ELF1: variants seen among roughly 807,000 people sequenced by gnomAD.
The protein encoded by ELF1 is E74 like ETS transcription factor 1, also known as ETS-related transcription factor Elf-1.
Under a neutral mutation model 59.9 loss-of-function variants are expected in ELF1, and 24 were observed. The ratio of observed to expected loss-of-function variants is 0.40; its 90% CI spans 0.29 to 0.56. The LOEUF (loss-of-function observed/expected upper bound fraction) is 0.56, where lower values mean the gene tolerates loss of function less well. Ranked by LOEUF, ELF1 falls within the 20% of genes least tolerant of loss-of-function variation. ELF1 has a pLI of 0.44. For missense variants in ELF1, 627 were observed against 742.2 expected (o/e 0.84, Z 1.80); for synonymous variants, 248 against 266.2 (o/e 0.93, Z 0.67).
intron 1 of ELF1, among the ~76,000 whole-genome samples, chr13:41,039,196 T>C (rs979539731): frequency 6.6e-6 from 1 of 151,844 alleles, no homozygotes; most frequent in Non-Finnish European, 1.5e-5. Context: ...GCCCAAGAGA[T>C]TGAGACCAGC....
chr13:40,998,963 C>T (rs1430675948), intron 1 of ELF1, among the ~76,000 whole-genome samples: 1 of 151,974 alleles, frequency 6.6e-6, no homozygotes, highest in Non-Finnish European at 1.5e-5. Context: ...CACTTCAGCC[C>T]GGGCGACTGA....
chr13:41,022,490 T>C (rs1293226683), upstream of ELF1, among the ~76,000 whole-genome samples: 1 of 152,202 alleles, frequency 6.6e-6, no homozygotes, highest in Non-Finnish European at 1.5e-5. Context: ...TACCGGTATA[T>C]GACTTATGTA....
chr13:41,055,581 G>A (rs1877256126), intron 1 of ELF1, among the ~76,000 whole-genome samples: 1 of 151,954 alleles, frequency 6.6e-6, no homozygotes, highest in African/African-American at 2.4e-5. Context: ...ATAATTATCT[G>A]TATACTTACC....
chr13:40,986,615 T>C (rs1007229429), intron 1 of ELF1, among the ~76,000 whole-genome samples: 1 of 150,172 alleles, frequency 6.7e-6, no homozygotes, highest in African/African-American at 2.5e-5. Context: ...GTTTGGCGTC[T>C]TTTTAACAAA....
intron 1 of ELF1, among the ~76,000 whole-genome samples, chr13:41,047,534 T>C (rs988567764): frequency 1.3e-5 from 2 of 152,238 alleles, no homozygotes; most frequent in Admixed American, 1.3e-4. Context: ...TGGAGTTTGC[T>C]GGAGGTCCAT....
chr13:40,971,950 T>G (rs7333110), intron 2 of ELF1, among the ~76,000 whole-genome samples: 20,084 of 148,726 alleles, frequency 0.14, 1,560 homozygotes, highest in East Asian at 0.32. Flanking sequence ...AGTTTTTTTT[T>G]GGGGGGGGGT....
chr13:40,998,014 G>A (rs764164295), intron 1 of ELF1, among the ~76,000 whole-genome samples: 9 of 152,086 alleles, frequency 5.9e-5, no homozygotes, highest in Non-Finnish European at 1.0e-4. Flanking sequence ...GCTGGGTGTG[G>A]TGGAGCCTGC....
rs1360010444 is a variant in ELF1, at chr13:40,943,904, C to T, written c.551G>A (p.Arg184Gln). 5 of 1,613,556 alleles carry T rather than the reference C, an allele frequency of 3.1e-6. No individual in the cohort carries two copies. Among genetic ancestry groups the T allele is most frequent in the South Asian group, 2.2e-5 (2 of 91,008 alleles). The change falls in exon 6 of 9, where the codon CGA (arginine) becomes CAA (glutamine). Residue 184 changes from arginine (R) to glutamine (Q), a missense_variant. Physicochemically the swap from Arg to Gln is conservative, Grantham distance 43. Around this residue, in one of 3 missense-constraint regions of ELF1, gnomAD observed 232 missense variants for 269.2 expected, o/e 0.86. Coordinates refer to ENST00000239882, the MANE Select transcript of ELF1 (RefSeq NM_172373.4). ...RKKGRKTKPP[R>Q]PDSPATTPNI... ...TGGCGTAGTGGCTGGGGAATCTGGT[C>T]GTGGTGGTTTAGTTTTTCTTCCTGA...
intron 1 of ELF1, among the ~76,000 whole-genome samples, chr13:41,014,810 A>C (rs1398387751): frequency 2.0e-5 from 3 of 152,122 alleles, no homozygotes; most frequent in Non-Finnish European, 4.4e-5. Flanking sequence ...TGAATACCTA[A>C]CAATGTCCCA....
chr13:41,010,232 C>A (rs769612741), intron 1 of ELF1, among the ~76,000 whole-genome samples: 1 of 146,344 alleles, frequency 6.8e-6, no homozygotes, highest in East Asian at 2.0e-4. Flanking sequence ...ATAGCCAGAC[C>A]GCATACCCAC....
At chr13:40,962,463 A>T (rs9594467) in intron 2 of ELF1, among the ~76,000 whole-genome samples, 1 of 151,656 alleles carries the variant, frequency 6.6e-6, no homozygotes, top group Non-Finnish European at 1.5e-5. Flanking sequence ...TGGGTGGATC[A>T]CTTGAGGTCA....
chr13:41,032,887 T>C (rs1047422416), intron 1 of ELF1, among the ~76,000 whole-genome samples: 3 of 150,886 alleles, frequency 2.0e-5, no homozygotes, highest in African/African-American at 7.3e-5. Context: ...AAAAACTTAG[T>C]ACTATGGTTA....
intron 1 of ELF1, among the ~76,000 whole-genome samples, chr13:41,011,302 C>G (rs933774823): frequency 3.9e-5 from 6 of 152,176 alleles, no homozygotes; most frequent in African/African-American, 1.2e-4. Flanking sequence ...GTAACTAAAG[C>G]TCCAATTTGT....
chr13:41,045,784 T>C (rs1391906516), intron 1 of ELF1, among the ~76,000 whole-genome samples: 1 of 152,226 alleles, frequency 6.6e-6, no homozygotes, highest in Non-Finnish European at 1.5e-5. Flanking sequence ...GTTCTGTAGA[T>C]GTCTATTAGG....
At chr13:41,035,246 A>G (rs1001455832) in intron 1 of ELF1, among the ~76,000 whole-genome samples, 3 of 152,246 alleles carry the variant, frequency 2.0e-5, no homozygotes, top group African/African-American at 7.2e-5. Flanking sequence ...ACTCTGCTAG[A>G]ATACCTGGTA....
chr13:40,973,467 A>G (rs985689724), intron 2 of ELF1, among the ~76,000 whole-genome samples: 4 of 152,200 alleles, frequency 2.6e-5, no homozygotes, highest in Admixed American at 1.3e-4. Flanking sequence ...AAAAAAGGCC[A>G]GTTACACTAA....
chr13:41,060,770 G>A (rs1022401416), intron 1 of ELF1: 4 of 167,490 alleles, frequency 2.4e-5, no homozygotes, highest in Admixed American at 6.4e-5. Flanking sequence ...CGGGCCACCT[G>A]GGTGAAAACC....
At chr13:41,027,861 G>A (rs1876000142) in intron 1 of ELF1, among the ~76,000 whole-genome samples, 1 of 152,162 alleles carries the variant, frequency 6.6e-6, no homozygotes, top group Non-Finnish European at 1.5e-5. Context: ...ATGGTGAAAT[G>A]GCCCTTAGAA....
chr13:40,981,112 A>T (rs200698467), intron 2 of ELF1, among the ~76,000 whole-genome samples: 1 of 100,964 alleles, frequency 9.9e-6, no homozygotes, highest in Admixed American at 8.6e-5. Flanking sequence ...ATTACATATT[A>T]TAATTGGCCT....
Sources: allele counts gnomAD v4.1 joint callset (sites outside exome capture counted in the v4.1 genomes callset), GRCh38; gene constraint gnomAD v4.1.1; regional missense constraint gnomAD v4.1.1; transcripts MANE v1.5; gene names NCBI Gene and HGNC (gene_info 2026-07-23, HGNC 2026-07-21).